The following TBCD variants were observed in gnomAD, a reference collection of about 807,000 sequenced individuals.
TBCD encodes tubulin folding cofactor D.
TBCD carries 105 observed loss-of-function variants against 169.3 expected under a neutral mutation model. That is an observed-to-expected ratio of 0.62 (90% CI 0.53 to 0.73). The LOEUF is 0.73. TBCD is among the 30% of genes least tolerant of loss of function. TBCD has a pLI of 0.00. For missense variants in TBCD, 1,444 were observed against 1,600.1 expected (o/e 0.90, Z 1.66); for synonymous variants, 700 against 643.9 (o/e 1.09, Z -1.32).
chr17:82,869,394 C>G (rs1352730508), intron 13 of TBCD, among the ~76,000 whole-genome samples: 1 of 152,134 alleles, frequency 6.6e-6, no homozygotes. Flanking sequence ...TGGTGGCATG[C>G]TTGTAGTCTC....
intron 6 of TBCD, among the ~76,000 whole-genome samples, chr17:82,777,159 T>C (rs1014398721): frequency 2.0e-5 from 3 of 152,252 alleles, no homozygotes; most frequent in African/African-American, 7.2e-5. Flanking sequence ...TTAAGAGATT[T>C]AACAAGTAGT....
chr17:82,861,711 C>T (rs371636057), intron 13 of TBCD, among the ~76,000 whole-genome samples: 1 of 152,090 alleles, frequency 6.6e-6, no homozygotes, highest in Non-Finnish European at 1.5e-5. Flanking sequence ...CTGGTGTGGC[C>T]GTGGCACATA....
rs2147736915 is a variant in TBCD, at chr17:82,944,661, AAGC to A, written c.*2199_*2201del. ...CTTTGTGAGTTTAGAGAGCAGCAAG[AAGC>A]CAGTATCCCTGGGACCGGGGAGCTG... On this transcript the variant is annotated 3_prime_UTR_variant, in exon 39 of 39. Coordinates refer to ENST00000355528, the MANE Select transcript of TBCD (RefSeq NM_005993.5). The A allele has an allele frequency of 6.6e-6, 1 of 152,324 alleles. No homozygotes were observed. Among genetic ancestry groups the A allele is most frequent in the South Asian group, 2.1e-4 (1 of 4,816 alleles). The allele number at this position is 152,324 out of a possible 1,614,324, so 9.4% of individuals were successfully genotyped here. A position where few individuals can be genotyped will look rare whatever the true frequency, so the allele number is the denominator to read the frequency against.
intron 7 of TBCD, among the ~76,000 whole-genome samples, chr17:82,783,001 G>A (rs989942456): frequency 2.0e-5 from 3 of 152,054 alleles, no homozygotes; most frequent in East Asian, 1.9e-4. Flanking sequence ...TGTCCGCGGC[G>A]TCGTCTTCCT....
intron 13 of TBCD, among the ~76,000 whole-genome samples, chr17:82,823,457 G>A (rs1369124085): frequency 6.6e-6 from 1 of 152,206 alleles, no homozygotes; most frequent in East Asian, 1.9e-4. Context: ...TGGACCGATT[G>A]TTCTTTTTTT....
At chr17:82,856,606 C>T (rs1353221959) in intron 13 of TBCD, among the ~76,000 whole-genome samples, 2 of 152,226 alleles carry the variant, frequency 1.3e-5, no homozygotes, top group African/African-American at 4.8e-5. Context: ...ACACAGTTGA[C>T]GGACACTTAA....
chr17:82,927,721 G>A (rs2061872855), intron 29 of TBCD, among the ~76,000 whole-genome samples, 184 bp from the exon 30 acceptor site: 1 of 152,146 alleles, frequency 6.6e-6, no homozygotes, highest in African/African-American at 2.4e-5. Flanking sequence ...GTGGCTCCCT[G>A]CACACGTCCC....
intron 17 of TBCD, among the ~76,000 whole-genome samples, chr17:82,900,291 G>A (rs114971779): frequency 0.014 from 2,190 of 152,270 alleles, 49 homozygotes; most frequent in African/African-American, 0.051. Context: ...ACAAAGCTGT[G>A]TGCACTCATT....
chr17:82,887,971 T>C (rs1001178813), intron 15 of TBCD, among the ~76,000 whole-genome samples: 10 of 152,252 alleles, frequency 6.6e-5, no homozygotes, highest in Admixed American at 3.9e-4. Context: ...GGGCACTCTT[T>C]ACATATGTAG....
chr17:82,787,109 C>T (rs1054650895), intron 7 of TBCD, among the ~76,000 whole-genome samples: 6 of 152,126 alleles, frequency 3.9e-5, no homozygotes, highest in African/African-American at 7.2e-5. Flanking sequence ...CCCTTCCTCC[C>T]GAGGTGTAAA....
rs368415134 is a variant in TBCD, at chr17:82,916,262, G to A, written c.2039-4294G>A. Among the ~76,000 whole-genome samples the A allele has an allele frequency of 2.4e-4, 37 of 151,776 alleles. No homozygotes were observed. In the South Asian group the frequency reaches 7.7e-3, roughly 32 times the overall value. The stretch of plus-strand genomic sequence containing the variant: ...TTTTTCCACTTTTTTTTTTTGAGAC[G>A]GAGTCTCATTCACTCTTGTTGCTCA... On this transcript the variant is annotated intron_variant, in intron 23 of 38. Transcript: ENST00000355528.
In TBCD at chr17:82,929,366, G is replaced by A. The variant is rs762065623; in HGVS notation, c.2857G>A (p.Asp953Asn). The change falls in exon 32 of 39, where the codon GAT (aspartate) becomes AAT (asparagine). Residue 953 changes from aspartate to asparagine, a missense_variant. Coordinates refer to ENST00000355528, the MANE Select transcript of TBCD (RefSeq NM_005993.5). ...GTCTCACTCACTCTCTTGCAGGTCCGATGTGGCCTCCGTGAACTGGAGTGC... is the reference window on the plus strand; with the variant it reads ...GTCTCACTCACTCTCTTGCAGGTCCAATGTGGCCTCCGTGAACTGGAGTGC... The part of the protein sequence containing the change: ...GELEKLFPRS[D>N]VASVNWSAPS... 9 of 1,612,622 alleles carry A rather than the reference G, an allele frequency of 5.6e-6. No homozygotes were observed. Among genetic ancestry groups the A allele is most frequent in the African/African-American group, 1.3e-5 (1 of 74,918 alleles).
chr17:82,835,115 A>AT lies in TBCD; in HGVS notation c.1318+20189dup, dbSNP rs934059790. 2.6e-5 allele frequency among the ~76,000 whole-genome samples: 4 copies of AT among 151,988 alleles called. No homozygotes were observed. The highest frequency in any genetic ancestry group is 7.3e-5 in the African/African-American group (3 of 41,350). ...TTAAGAAAACTGTTTCAACTGCAGT[A>AT]TTTTTTTTAAGGAATGGGCAGATGT... On this transcript the variant is annotated intron_variant, in intron 13 of 38. Coordinates refer to ENST00000355528, the MANE Select transcript of TBCD (RefSeq NM_005993.5). The surrounding 1 kb of genome is among the most constrained non-coding windows in gnomAD (Gnocchi z 4.5).
chr17:82,871,151 G>A (rs565583324), intron 14 of TBCD, among the ~76,000 whole-genome samples: 84 of 151,908 alleles, frequency 5.5e-4, no homozygotes, highest in African/African-American at 1.7e-3. Flanking sequence ...TGTCCAGTGC[G>A]CGCACCCAGC....
intron 13 of TBCD, among the ~76,000 whole-genome samples, chr17:82,852,157 A>AC (rs1374198359): frequency 6.1e-5 from 7 of 115,554 alleles, no homozygotes; most frequent in East Asian, 3.1e-4. Flanking sequence ...AGATGGATAA[A>AC]CCCCCCCTCC....
rs756690963 is a variant in TBCD at position 82,903,494 on chromosome 17, G to A, written c.1804+16G>A. 7 of 1,581,756 alleles carry A rather than the reference G, an allele frequency of 4.4e-6. No individual in the cohort carries two copies. The highest frequency in any genetic ancestry group is 1.7e-6 in the Non-Finnish European group (2 of 1,163,678). On this transcript the variant is annotated intron_variant, in intron 19 of 38. Coordinates refer to ENST00000355528, the MANE Select transcript of TBCD (RefSeq NM_005993.5). This position sits in a 1 kb window ranked among gnomAD's most constrained non-coding sequence, Gnocchi z 4.8. ...GCCACGCAAGGTGGGTGTGTGTCCC[G>A]GCCGGCCTGCGGGCACCATGCATGC...
intron 6 of TBCD, among the ~76,000 whole-genome samples, chr17:82,775,331 C>T (rs924390144): frequency 3.9e-5 from 6 of 152,166 alleles, no homozygotes; most frequent in East Asian, 1.9e-4. Flanking sequence ...TGGCGGATGC[C>T]GTCAGTGGAA....
In TBCD at chr17:82,909,171, C is replaced by G. The variant is rs1053533618; in HGVS notation, c.1984-114C>G. On this transcript the variant is annotated intron_variant, in intron 21 of 38. Transcript: ENST00000355528. ...TCAGCCCCCTAGGCGGCTCTCCTGGCTGGCATGGCATCTTCTGCCATTTTC... is the reference window on the plus strand; with the variant it reads ...TCAGCCCCCTAGGCGGCTCTCCTGGGTGGCATGGCATCTTCTGCCATTTTC... 8.0e-6 allele frequency: 7 copies of G among 875,744 alleles called. No homozygotes were observed. In the African/African-American group the frequency reaches 1.0e-4, roughly 13 times the overall value. The allele number at this position is 875,744 out of a possible 1,614,324, so 54.2% of individuals were successfully genotyped here. A position where few individuals can be genotyped will look rare whatever the true frequency, so the allele number is the denominator to read the frequency against.
chr17:82,792,200 C>G (rs908988161), intron 7 of TBCD, among the ~76,000 whole-genome samples: 1 of 151,600 alleles, frequency 6.6e-6, no homozygotes, highest in East Asian at 1.9e-4. Context: ...CCCAGCGACT[C>G]GGGAAGCCGA....
Sources: allele counts gnomAD v4.1 joint callset (sites outside exome capture counted in the v4.1 genomes callset), GRCh38; gene constraint gnomAD v4.1.1; non-coding constraint Gnocchi (gnomAD v3.1); transcripts MANE v1.5; gene names NCBI Gene and HGNC (gene_info 2026-07-23, HGNC 2026-07-21).